CA10: variants seen among roughly 807,000 people sequenced by gnomAD.
CA10 encodes carbonic anhydrase-related protein 10.
In CA10, 14 loss-of-function variants were observed where a neutral mutation model predicts 44.2. That is an observed-to-expected ratio of 0.32 (90% CI 0.21 to 0.50). The LOEUF (loss-of-function observed/expected upper bound fraction) is 0.50. CA10 is among the 20% of genes least tolerant of loss of function. The pLI, the probability that CA10 is intolerant of heterozygous loss-of-function variation, is 0.99. For synonymous variants in CA10, 159 were observed against 141.6 expected, an observed-to-expected ratio of 1.12 and a Z score of -0.87; for missense variants, 350 against 409.7, an observed-to-expected ratio of 0.85 and a Z score of 1.26.
At chr17:51,913,169 A>C (rs1295764039) in intron 3 of CA10, among the ~76,000 whole-genome samples, 1 of 152,208 alleles carries the variant, frequency 6.6e-6, no homozygotes, top group African/African-American at 2.4e-5. Flanking sequence ...TCTCTTTAGA[A>C]TCACAAGGGT....
At chr17:51,722,921 G>C (rs1916392811) in intron 4 of CA10, among the ~76,000 whole-genome samples, 1 of 152,116 alleles carries the variant, frequency 6.6e-6, no homozygotes, top group Non-Finnish European at 1.5e-5. Flanking sequence ...TTCTCCTTTG[G>C]TTATATCATC....
chr17:51,889,924 C>T (rs561541369), intron 3 of CA10, among the ~76,000 whole-genome samples: 1 of 152,178 alleles, frequency 6.6e-6, no homozygotes, highest in African/African-American at 2.4e-5. Flanking sequence ...ACCTCAATCC[C>T]TAGACAGAAA....
At chr17:52,014,334 G>A (rs1985901811) in intron 2 of CA10, among the ~76,000 whole-genome samples, 1 of 151,904 alleles carries the variant, frequency 6.6e-6, no homozygotes, top group Non-Finnish European at 1.5e-5. Context: ...CATGCATTAT[G>A]TGCAAAGTTG....
intron 4 of CA10, among the ~76,000 whole-genome samples, chr17:51,677,149 GAAT>G (rs1313011818): frequency 6.6e-6 from 1 of 152,172 alleles, no homozygotes; most frequent in Non-Finnish European, 1.5e-5. Context: ...CTACTATGTG[GAAT>G]AATATTTGTT....
At chr17:51,864,554 G>C (rs139967705) in intron 3 of CA10, among the ~76,000 whole-genome samples, 1 of 152,216 alleles carries the variant, frequency 6.6e-6, no homozygotes, top group African/African-American at 2.4e-5. Flanking sequence ...CTGTGAAACA[G>C]ACTTTGAATT....
intron 2 of CA10, among the ~76,000 whole-genome samples, chr17:52,035,372 T>G (rs1986586991): frequency 6.6e-6 from 1 of 152,078 alleles, no homozygotes; most frequent in African/African-American, 2.4e-5. Flanking sequence ...CCTTTTCAGC[T>G]CCCCTTCCCA....
intron 3 of CA10, among the ~76,000 whole-genome samples, chr17:51,785,312 T>C (rs1906226195): frequency 6.6e-6 from 1 of 152,170 alleles, no homozygotes; most frequent in Admixed American, 6.5e-5. Context: ...AGAGTTCAAA[T>C]AACTCTATAG....
chr17:51,850,299 A>G (rs1978733615), intron 3 of CA10, among the ~76,000 whole-genome samples: 1 of 152,214 alleles, frequency 6.6e-6, no homozygotes, highest in Non-Finnish European at 1.5e-5. Context: ...GTAGAGGAAC[A>G]CGGAGATCCA....
intron 2 of CA10, among the ~76,000 whole-genome samples, chr17:51,958,207 T>C (rs1331477391): frequency 1.3e-5 from 2 of 151,936 alleles, no homozygotes; most frequent in African/African-American, 4.8e-5. Context: ...ATAGTGGTAG[T>C]AGAATTGCCT....
At chr17:51,671,735 C>G (rs1914435908) in intron 4 of CA10, among the ~76,000 whole-genome samples, 1 of 152,214 alleles carries the variant, frequency 6.6e-6, no homozygotes. Flanking sequence ...CGGTTTGTCT[C>G]TACCAGGAAT....
chr17:52,090,781 C>T (rs924803964), intron 1 of CA10, among the ~76,000 whole-genome samples: 11 of 152,054 alleles, frequency 7.2e-5, no homozygotes, highest in African/African-American at 2.7e-4. Flanking sequence ...AAAATAAATT[C>T]TGCCCACACC....
intron 3 of CA10, among the ~76,000 whole-genome samples, chr17:51,759,809 T>A (rs904042942): frequency 1.3e-5 from 2 of 152,138 alleles, no homozygotes; most frequent in Non-Finnish European, 2.9e-5. Flanking sequence ...ACTTTTTTTT[T>A]ATCCTTTCTC....
At chr17:51,750,404 G>A (rs1904852232) in intron 3 of CA10, among the ~76,000 whole-genome samples, 2 of 152,062 alleles carry the variant, frequency 1.3e-5, no homozygotes, top group East Asian at 1.9e-4. Context: ...ATATTTCCAT[G>A]TCATTAACTA....
intron 2 of CA10, among the ~76,000 whole-genome samples, chr17:51,952,937 A>T (rs1983538250): frequency 6.6e-6 from 1 of 152,142 alleles, no homozygotes; most frequent in South Asian, 2.1e-4. Context: ...TGCTTTGTGG[A>T]GGTCATTCAA....
At chr17:52,093,515 T>C (rs1988323243) in intron 1 of CA10, among the ~76,000 whole-genome samples, 1 of 152,186 alleles carries the variant, frequency 6.6e-6, no homozygotes, top group African/African-American at 2.4e-5. Flanking sequence ...TGTTCACCTA[T>C]TTAGCAATTT....
At chr17:51,785,748 A>T (rs971015043) in intron 3 of CA10, among the ~76,000 whole-genome samples, 2 of 152,184 alleles carry the variant, frequency 1.3e-5, no homozygotes, top group Non-Finnish European at 2.9e-5. Flanking sequence ...TGATTCCTCC[A>T]GTTTTCTTCT....
intron 2 of CA10, among the ~76,000 whole-genome samples, chr17:51,998,673 C>A (rs570808292): frequency 6.6e-6 from 1 of 152,116 alleles, no homozygotes; most frequent in African/African-American, 2.4e-5. Flanking sequence ...CAATTGGTTT[C>A]TATTATGCAA....
At chr17:52,058,057 C>A (rs1367877574) in intron 2 of CA10, among the ~76,000 whole-genome samples, 1 of 152,070 alleles carries the variant, frequency 6.6e-6, no homozygotes, top group African/African-American at 2.4e-5. Context: ...ATGGCTGCAA[C>A]GTGACCCAAA....
chr17:51,769,419 A>G (rs969555513), intron 3 of CA10, among the ~76,000 whole-genome samples: 1 of 152,214 alleles, frequency 6.6e-6, no homozygotes, highest in Admixed American at 6.5e-5. Flanking sequence ...GTGCTAAGAC[A>G]GAGGTTTGCA....
Sources: allele counts gnomAD v4.1 joint callset (sites outside exome capture counted in the v4.1 genomes callset), GRCh38; gene constraint gnomAD v4.1.1; transcripts MANE v1.5; gene names NCBI Gene and HGNC (gene_info 2026-07-23, HGNC 2026-07-21).